PPM1H: variants seen among roughly 807,000 people sequenced by gnomAD.
The protein encoded by PPM1H is protein phosphatase 1H.
Under a neutral mutation model 54.9 loss-of-function variants are expected in PPM1H, and 27 were observed. That is an observed-to-expected ratio of 0.49 (90% CI 0.36 to 0.68). The LOEUF (loss-of-function observed/expected upper bound fraction) is 0.68. Ranked by LOEUF, PPM1H falls within the 30% of genes least tolerant of loss-of-function variation. The pLI is 0.00. For synonymous variants in PPM1H, 305 were observed against 270.8 expected, an observed-to-expected ratio of 1.13 and a Z score of -1.24; for missense variants, 596 against 667.8, an observed-to-expected ratio of 0.89 and a Z score of 1.19.
At position 62,850,686 on chromosome 12, in the gene PPM1H, T is replaced by C. The variant is rs560515117; in HGVS notation, c.246-18407A>G. The C allele has an allele frequency of 8.9e-4, 132 of 148,358 alleles. 1 individual carries two copies. The highest frequency in any genetic ancestry group is 3.2e-3 in the African/African-American group (129 of 40,926). 9.2% of individuals were successfully genotyped at this position (148,358 alleles called of 1,614,324 possible). A position where few individuals can be genotyped will look rare whatever the true frequency, so the allele number is the denominator to read the frequency against. ...ATATTATATAAAATATATATTCTAG[T>C]AACATATAGGTAAAATATATATATA... On this transcript the variant is annotated intron_variant, in intron 1 of 9. Coordinates refer to ENST00000228705, the MANE Select transcript of PPM1H (RefSeq NM_020700.2).
chr12:62,697,001 G>C (rs974034522), intron 6 of PPM1H, among the ~76,000 whole-genome samples: 1 of 152,216 alleles, frequency 6.6e-6, no homozygotes, highest in African/African-American at 2.4e-5. Context: ...TTTGGCAAAA[G>C]AGGAAGGGGA....
chr12:62,826,568 C>T (rs1868293439), intron 2 of PPM1H, among the ~76,000 whole-genome samples: 2 of 152,188 alleles, frequency 1.3e-5, no homozygotes, highest in South Asian at 4.2e-4. Flanking sequence ...ATGTTTCTAA[C>T]AAATAAAAAA....
chr12:62,832,225 C>A lies in PPM1H; in HGVS notation c.300G>T (p.Val100=), dbSNP rs770330758. 1 of 1,613,568 alleles carries A rather than the reference C, an allele frequency of 6.2e-7. No individual in the cohort carries two copies. Reference sequence around the variant, plus strand: ...CCCCTGCCTTCTTCTTCACAGTGAGCACCTCACAGCTGGCTTGGTCTTCAT... The same window carrying A: ...CCCCTGCCTTCTTCTTCACAGTGAGAACCTCACAGCTGGCTTGGTCTTCAT... ...THNEDQASCE[V]LTVKKKAGAV... The change falls in exon 2 of 10, where the codon GTG becomes GTT. Residue 100 remains valine (V), a synonymous_variant. Transcript: ENST00000228705.
chr12:62,927,235 A>C (rs1871996611), intron 1 of PPM1H, among the ~76,000 whole-genome samples: 1 of 152,228 alleles, frequency 6.6e-6, no homozygotes, highest in Non-Finnish European at 1.5e-5. Flanking sequence ...AATCATAAGG[A>C]AACAACTGAA....
intron 4 of PPM1H, among the ~76,000 whole-genome samples, chr12:62,761,140 C>T (rs1401083072): frequency 1.3e-5 from 2 of 152,114 alleles, no homozygotes; most frequent in Admixed American, 6.6e-5. Flanking sequence ...AATAAAAAGC[C>T]GTAATCTCAA....
chr12:62,830,801 A>C (rs1487399417), intron 2 of PPM1H, among the ~76,000 whole-genome samples: 1 of 152,206 alleles, frequency 6.6e-6, no homozygotes, highest in African/African-American at 2.4e-5. Context: ...GGACTAACAA[A>C]ATAAATCAAT....
chr12:62,687,777 G>A (rs1164824022), intron 8 of PPM1H, among the ~76,000 whole-genome samples: 11 of 152,148 alleles, frequency 7.2e-5, no homozygotes, highest in African/African-American at 2.4e-4. Context: ...GGGAGGCCGA[G>A]GCAGGTGGAT....
In PPM1H at chr12:62,763,605, T is replaced by C. The variant is rs887435548; in HGVS notation, c.869+24621A>G. ...CTTACTTGATGGGTAATTAGAACAC[T>C]TGTCAAATACAGAAAGTTGAAATCA... On this transcript the variant is annotated intron_variant, in intron 4 of 9. Transcript: ENST00000228705. 2.6e-5 allele frequency among the ~76,000 whole-genome samples: 4 copies of C among 152,226 alleles called. No individual in the cohort carries two copies. In the East Asian group the frequency reaches 7.7e-4, roughly 29 times the overall value.
At chr12:62,879,138 G>A (rs1007770754) in intron 1 of PPM1H, among the ~76,000 whole-genome samples, 2 of 152,184 alleles carry the variant, frequency 1.3e-5, no homozygotes, top group African/African-American at 4.8e-5. Flanking sequence ...GGCGAGAGCA[G>A]GAGGTCCCAA....
rs370817500 is a variant in PPM1H, at chr12:62,848,792, A to G, written c.246-16513T>C. Among the ~76,000 whole-genome samples, 16 of 152,138 alleles carry G rather than the reference A, an allele frequency of 1.1e-4. 1 individual carries two copies. The highest frequency in any genetic ancestry group is 2.9e-4 in the African/African-American group (12 of 41,440). On this transcript the variant is annotated intron_variant, in intron 1 of 9. Coordinates refer to ENST00000228705, the MANE Select transcript of PPM1H (RefSeq NM_020700.2). ...TAATCCACTGGTGGTGGCTGGTACT[A>G]CCAGAGTCAGAAGCTCAAGAGACTC...
chr12:62,918,383 A>G (rs1871688455), intron 1 of PPM1H, among the ~76,000 whole-genome samples: 1 of 152,248 alleles, frequency 6.6e-6, no homozygotes, highest in Non-Finnish European at 1.5e-5. Flanking sequence ...AGCATACAGT[A>G]AATGCATGAT....
rs10564133 is a variant in PPM1H at position 62,750,067 on chromosome 12, C to CA, written c.870-12482dup. Among the ~76,000 whole-genome samples, 965 of 145,250 alleles carry CA rather than the reference C, an allele frequency of 6.6e-3. 4 individuals are homozygous for CA. The highest frequency in any genetic ancestry group is 0.029 in the Middle Eastern group (8 of 274). On this transcript the variant is annotated intron_variant, in intron 4 of 9. Coordinates refer to ENST00000228705, the MANE Select transcript of PPM1H (RefSeq NM_020700.2). ...GGTTTTCAAGGTGCATATCATTTCT[C>CA]AAAAAAAAAAAAAAAAGAGGTCTAT...
intron 6 of PPM1H, among the ~76,000 whole-genome samples, chr12:62,695,836 T>C (rs1456016531): frequency 6.6e-6 from 1 of 151,970 alleles, no homozygotes; most frequent in Admixed American, 6.6e-5. Flanking sequence ...AGGAGGAAAA[T>C]GGCCTGAGAA....
chr12:62,869,656 G>A (rs1303729883), intron 1 of PPM1H, among the ~76,000 whole-genome samples: 1 of 152,082 alleles, frequency 6.6e-6, no homozygotes, highest in East Asian at 1.9e-4. Flanking sequence ...CCCATCTCCC[G>A]CTCAAAGTCC....
Position 62,934,619 on chromosome 12 carries a change from G to A in PPM1H, c.118C>T (p.Pro40Ser). Residue 40 changes from proline (P) to serine (S), a missense_variant, in exon 1 of 10, where the codon CCC becomes TCC. Physicochemically the swap from Pro to Ser is moderately conservative, Grantham distance 74. Transcript: ENST00000228705. This position sits in a 1 kb window ranked among gnomAD's most constrained non-coding sequence, Gnocchi z 4.2. The part of the protein sequence containing the change: ...CGGSDLPLRF[P>S]YGRPEFLGLS... ...CCCAGGAACTCTGGCCGCCCGTAGGGGAAACGCAGGGGCAGGTCCGAGCCT... is the reference window on the plus strand; with the variant it reads ...CCCAGGAACTCTGGCCGCCCGTAGGAGAAACGCAGGGGCAGGTCCGAGCCT... 6.3e-7 allele frequency: 1 copy of A among 1,588,882 alleles called. No homozygotes were observed. Among genetic ancestry groups the A allele is most frequent in the Non-Finnish European group, 8.6e-7 (1 of 1,168,896 alleles).
intron 1 of PPM1H, among the ~76,000 whole-genome samples, chr12:62,864,299 T>C (rs1869701193): frequency 1.3e-5 from 2 of 152,248 alleles, no homozygotes; most frequent in South Asian, 2.1e-4. Flanking sequence ...ATGGCATTAC[T>C]GTTGAAGCAT....
chr12:62,793,476 G>A (rs977618976), intron 3 of PPM1H, among the ~76,000 whole-genome samples: 2 of 152,054 alleles, frequency 1.3e-5, no homozygotes, highest in Non-Finnish European at 2.9e-5. Flanking sequence ...TGTAATCTCA[G>A]CACTTTGGGA....
chr12:62,869,678 T>G (rs1273947099), intron 1 of PPM1H, among the ~76,000 whole-genome samples: 1 of 152,168 alleles, frequency 6.6e-6, no homozygotes, highest in Non-Finnish European at 1.5e-5. Context: ...TGCAAGGACT[T>G]CTCAATGCAC....
chr12:62,916,187 G>A (rs187667612), intron 1 of PPM1H, among the ~76,000 whole-genome samples: 148 of 152,332 alleles, frequency 9.7e-4, no homozygotes, highest in Non-Finnish European at 1.6e-3. Flanking sequence ...ACTCCATGAG[G>A]AGGTTTAATA....
Sources: gnomAD v4.1 joint callset for allele counts (sites outside exome capture counted in the v4.1 genomes callset) on GRCh38, gnomAD v4.1.1 for gene constraint, Gnocchi (gnomAD v3.1) non-coding constraint, MANE v1.5 for transcripts, NCBI Gene and HGNC (gene_info 2026-07-23, HGNC 2026-07-21) for gene names.